FBXW4: variants seen among roughly 807,000 people sequenced by gnomAD.
The protein encoded by FBXW4 is F-box/WD repeat-containing protein 4.
FBXW4 carries 40 observed loss-of-function variants against 61.8 expected under a neutral mutation model. The ratio of observed to expected loss-of-function variants is 0.65; its 90% CI spans 0.50 to 0.84. FBXW4 has a LOEUF of 0.84. Among genes scored for constraint, FBXW4 ranks in the 40% least tolerant of loss-of-function variants. The pLI is 0.00. For missense variants in FBXW4, 672 were observed against 753.8 expected (o/e 0.89, Z 1.27); for synonymous variants, 311 against 313.8 (o/e 0.99, Z 0.10).
At chr10:101,636,917 C>G (rs561820085) in intron 5 of FBXW4, among the ~76,000 whole-genome samples, 1 of 151,976 alleles carries the variant, frequency 6.6e-6, no homozygotes, top group South Asian at 2.1e-4. Context: ...GTATCACTAT[C>G]TTTTAGAGTA....
chr10:101,620,172 C>T (rs76420628), intron 6 of FBXW4, among the ~76,000 whole-genome samples: 267 of 152,344 alleles, frequency 1.8e-3, no homozygotes, highest in African/African-American at 6.2e-3. Context: ...CACCGCTCAC[C>T]GCCCAACCCC....
intron 5 of FBXW4, chr10:101,626,979 C>T (rs1203121555): frequency 6.6e-6 from 1 of 152,068 alleles, no homozygotes; most frequent in African/African-American, 2.4e-5. Context: ...TTCTGGCCCA[C>T]CCACATCTGG....
intron 5 of FBXW4, among the ~76,000 whole-genome samples, chr10:101,644,340 C>T (rs1440123639): frequency 6.6e-6 from 1 of 152,188 alleles, no homozygotes; most frequent in Non-Finnish European, 1.5e-5. Flanking sequence ...AAGGTGCTGC[C>T]ATCTATTACC....
chr10:101,643,735 C>T lies in FBXW4; in HGVS notation c.1236-18925G>A, dbSNP rs185264109. ...CCCTTAGGCCAGTCTCTGTCCCTCC[C>T]TCTTCCCTCCCACGGTAAGTGCTTT... On this transcript the variant is annotated intron_variant, in intron 5 of 8. Coordinates refer to ENST00000331272, the MANE Select transcript of FBXW4 (RefSeq NM_022039.4). Among the ~76,000 whole-genome samples, 5 of 152,318 alleles carry T rather than the reference C, an allele frequency of 3.3e-5. No individual in the cohort carries two copies. In the East Asian group the frequency reaches 9.7e-4, roughly 29 times the overall value.
At chr10:101,631,076 C>T (rs947384671) in intron 5 of FBXW4, among the ~76,000 whole-genome samples, 5 of 151,956 alleles carry the variant, frequency 3.3e-5, no homozygotes, top group African/African-American at 9.7e-5. Context: ...TTTTATCAAA[C>T]TAAAGCCGAA....
chr10:101,641,582 C>T (rs2064053456), intron 5 of FBXW4, among the ~76,000 whole-genome samples: 2 of 151,770 alleles, frequency 1.3e-5, no homozygotes, highest in South Asian at 2.1e-4. Flanking sequence ...ACACAAAACA[C>T]AAGAGAAACC....
rs1359966075 is a variant in FBXW4, at chr10:101,673,036, A to G, written c.1019T>C (p.Ile340Thr). The G allele has an allele frequency of 6.2e-7, 1 of 1,613,996 alleles. No individual in the cohort carries two copies. The highest frequency in any genetic ancestry group is 8.5e-7 in the Non-Finnish European group (1 of 1,180,002). ...HIVSAGGDGK[I>T]GIHKIHSTFT... is the part of the protein sequence containing the mutation. Reference sequence around the variant, plus strand: ...GGTGCTGTGAATCTTATGAATGCCAATCTTCCCATCCCTAGGAGAGAAATA... The same window carrying G: ...GGTGCTGTGAATCTTATGAATGCCAGTCTTCCCATCCCTAGGAGAGAAATA... Residue 340 changes from isoleucine (I) to threonine (T), a missense_variant, in exon 4 of 9, where the codon ATT (isoleucine) becomes ACT (threonine). Ile to Thr is a moderately conservative substitution (Grantham distance 89, BLOSUM62 -1). Coordinates refer to ENST00000331272, the MANE Select transcript of FBXW4 (RefSeq NM_022039.4).
At chr10:101,612,607 C>G (rs766302639) in intron 6 of FBXW4, 130 bp from the exon 7 acceptor site, 4 of 1,100,368 alleles carry the variant, frequency 3.6e-6, no homozygotes, top group Non-Finnish European at 4.8e-6. Context: ...AGGAAGGGGG[C>G]TCAGGGAGGA....
chr10:101,674,373 ACTTT>A (rs2064388375), intron 2 of FBXW4, among the ~76,000 whole-genome samples: 1 of 152,136 alleles, frequency 6.6e-6, no homozygotes, highest in Non-Finnish European at 1.5e-5. Context: ...AAGTGAAATA[ACTTT>A]CTTTCATTCT....
chr10:101,694,482 C>T lies in FBXW4; in HGVS notation c.624G>A (p.Gln208=). The change falls in exon 1 of 9, where the codon CAG becomes CAA. Residue 208 remains glutamine (Q), a synonymous_variant. Coordinates refer to ENST00000331272, the MANE Select transcript of FBXW4 (RefSeq NM_022039.4). The surrounding 1 kb of genome is among the most constrained non-coding windows in gnomAD (Gnocchi z 6.0). ...LDMRALGRLA[Q]VCRWLRRFTS... ...TGAAGCGCCGCAGCCAGCGGCACAC[C>T]TGGGCCAGGCGGCCGAGGGCCCGCA... is the stretch of plus-strand genomic sequence containing the variant. 1 of 1,529,738 alleles carries T rather than the reference C, an allele frequency of 6.5e-7. No homozygotes were observed. Among genetic ancestry groups the T allele is most frequent in the Non-Finnish European group, 8.7e-7 (1 of 1,149,374 alleles). 94.8% of individuals were successfully genotyped at this position (1,529,738 alleles called of 1,614,324 possible).
chr10:101,632,586 A>C (rs1321161515), intron 5 of FBXW4, among the ~76,000 whole-genome samples: 1 of 152,184 alleles, frequency 6.6e-6, no homozygotes. Flanking sequence ...GCACAGAATT[A>C]ATAGAGAGGG....
At position 101,694,577 on chromosome 10, in the gene FBXW4, G is replaced by T; in HGVS notation, c.529C>A (p.Pro177Thr). 6.8e-7 allele frequency: 1 copy of T among 1,465,024 alleles called. No homozygotes were observed. Among genetic ancestry groups the T allele is most frequent in the Non-Finnish European group, 8.9e-7 (1 of 1,117,928 alleles). The allele number at this position is 1,465,024 out of a possible 1,614,324, so 90.8% of individuals were successfully genotyped here. A position where few individuals can be genotyped will look rare whatever the true frequency, so the allele number is the denominator to read the frequency against. The change falls in exon 1 of 9, where the codon CCG becomes ACG. Residue 177 changes from proline (P) to threonine (T), a missense_variant. Pro to Thr is a conservative substitution (Grantham distance 38). Transcript: ENST00000331272. The surrounding 1 kb of genome is among the most constrained non-coding windows in gnomAD (Gnocchi z 6.0). ...CGCCAGAGCGCAGGCCCCGCGGCCG[G>T]GCGGGCAGCCGACTCCCGAGCCGCC... ...EEAARESAAR[P>T]AAGPALWRLP...
At chr10:101,624,402 C>T (rs934103031) in intron 6 of FBXW4, among the ~76,000 whole-genome samples, 8 of 152,116 alleles carry the variant, frequency 5.3e-5, no homozygotes, top group African/African-American at 1.7e-4. Context: ...GGTCCGTAGG[C>T]CACCTTCAAA....
At chr10:101,615,561 G>A (rs548948435) in intron 6 of FBXW4, among the ~76,000 whole-genome samples, 1 of 152,108 alleles carries the variant, frequency 6.6e-6, no homozygotes, top group African/African-American at 2.4e-5. Context: ...CCCACTACCT[G>A]GACAAGAAGA....
intron 5 of FBXW4, among the ~76,000 whole-genome samples, chr10:101,652,500 A>G (rs866038728): frequency 1.3e-5 from 2 of 152,184 alleles, no homozygotes; most frequent in South Asian, 4.1e-4. Context: ...TGAGGGGGGA[A>G]AAATTACCAA....
At chr10:101,688,044 G>C (rs2064551882) in intron 1 of FBXW4, among the ~76,000 whole-genome samples, 1 of 152,198 alleles carries the variant, frequency 6.6e-6, no homozygotes, top group African/African-American at 2.4e-5. Context: ...ACAAGAGCTG[G>C]GGGAGAAAAT....
intron 5 of FBXW4, among the ~76,000 whole-genome samples, chr10:101,628,352 G>A (rs2063923783): frequency 6.6e-6 from 1 of 152,224 alleles, no homozygotes; most frequent in South Asian, 2.1e-4. Context: ...GGCTCCCCAG[G>A]TAGGCTGACC....
At chr10:101,633,649 A>G (rs951240199) in intron 5 of FBXW4, among the ~76,000 whole-genome samples, 2 of 152,206 alleles carry the variant, frequency 1.3e-5, no homozygotes, top group African/African-American at 4.8e-5. Flanking sequence ...CACATAGCAC[A>G]CACCCACGGA....
intron 1 of FBXW4, among the ~76,000 whole-genome samples, chr10:101,684,845 T>G (rs868436052): frequency 2.0e-5 from 3 of 152,250 alleles, no homozygotes; most frequent in African/African-American, 7.2e-5. Flanking sequence ...CTTATCCTTT[T>G]GGCCAAGGAA....
Sources: allele counts gnomAD v4.1 joint callset (sites outside exome capture counted in the v4.1 genomes callset), GRCh38; gene constraint gnomAD v4.1.1; non-coding constraint Gnocchi (gnomAD v3.1); transcripts MANE v1.5; gene names NCBI Gene and HGNC (gene_info 2026-07-23, HGNC 2026-07-21).